The following BARD1 variants were observed in gnomAD, a reference collection of about 807,000 sequenced individuals.
BARD1 encodes BRCA1 associated RING domain 1.
Under a neutral mutation model 77.0 loss-of-function variants are expected in BARD1, and 73 were observed. That is an observed-to-expected ratio of 0.95 (90% CI 0.79 to 1.15). The LOEUF (loss-of-function observed/expected upper bound fraction) is 1.15. BARD1 is among the 50% of genes most tolerant of loss of function. The pLI is 0.00. For synonymous variants in BARD1, 384 were observed against 338.0 expected, an observed-to-expected ratio of 1.14 and a Z score of -1.49; for missense variants, 993 against 938.8, an observed-to-expected ratio of 1.06 and a Z score of -0.75.
Position 214,732,873 on chromosome 2 carries a change from C to G in BARD1, c.1904-2365G>C, listed in dbSNP as rs75425490. On this transcript the variant is annotated intron_variant, in intron 9 of 10. Transcript: ENST00000260947. Reference sequence around the variant, plus strand: ...CACAATAACAAAACTTCAACTGTTTCCAGGAGCCACATCTGCAGAATTTGG... The same window carrying G: ...CACAATAACAAAACTTCAACTGTTTGCAGGAGCCACATCTGCAGAATTTGG... Among the ~76,000 whole-genome samples the G allele has an allele frequency of 1.1e-4, 16 of 152,252 alleles. No individual in the cohort carries two copies. In the East Asian group the frequency reaches 2.7e-3, roughly 26 times the overall value.
Position 214,781,146 on chromosome 2 carries a change from C to A in BARD1, c.728G>T (p.Cys243Phe), listed in dbSNP as rs767432527. 4 of 1,575,118 alleles carry A rather than the reference C, an allele frequency of 2.5e-6. No homozygotes were observed. In the South Asian group the frequency reaches 3.6e-5, roughly 14 times the overall value. Residue 243 changes from cysteine to phenylalanine, a missense_variant, in exon 4 of 11, where the codon TGT (cysteine) becomes TTT (phenylalanine). Coordinates refer to ENST00000260947, the MANE Select transcript of BARD1 (RefSeq NM_000465.4). Reference protein sequence around the residue: ...EESKQKLVSFCSQPSVISSPQ... With the variant: ...EESKQKLVSFFSQPSVISSPQ... ...ACTGGAGATAACAGATGGTTGGCTA[C>A]AGAAGGATACCAGCTTTTGCTTAGA...
chr2:214,770,279 T>A (rs531061660), intron 4 of BARD1, among the ~76,000 whole-genome samples: 1 of 152,204 alleles, frequency 6.6e-6, no homozygotes, highest in Admixed American at 6.5e-5. Flanking sequence ...AATTCAACTA[T>A]ACGAAATAGA....
intron 10 of BARD1, among the ~76,000 whole-genome samples, chr2:214,729,416 G>A (rs1692251714): frequency 6.6e-6 from 1 of 152,194 alleles, no homozygotes; most frequent in African/African-American, 2.4e-5. Flanking sequence ...CATTTTAGAT[G>A]TTGGATTAGG....
intron 6 of BARD1, among the ~76,000 whole-genome samples, chr2:214,765,950 G>A (rs895460): frequency 1 from 152,341 of 152,354 alleles, 76,164 homozygotes; most frequent in Non-Finnish European, 1. Flanking sequence ...AAAAAATTAC[G>A]ACCTAGAAGC....
At position 214,780,566 on chromosome 2, in the gene BARD1, A is replaced by T. The variant is rs786203605; in HGVS notation, c.1308T>A (p.Ser436=). 7 of 1,613,474 alleles carry T rather than the reference A, an allele frequency of 4.3e-6. No homozygotes were observed. Among genetic ancestry groups the T allele is most frequent in the Non-Finnish European group, 5.9e-6 (7 of 1,179,488 alleles). The change falls in exon 4 of 11, where the codon TCT becomes TCA. Residue 436 remains serine, a synonymous_variant. Coordinates refer to ENST00000260947, the MANE Select transcript of BARD1 (RefSeq NM_000465.4). ...HRGETLLHIA[S]IKGDIPSVEY... is the part of the protein sequence containing the mutation. The stretch of plus-strand genomic sequence containing the variant: ...TTCAGAGTAAGCATCCTACCTTAAT[A>T]GAAGCAATATGGAGCAAAGTCTCTC...
chr2:214,801,746 C>T (rs1258454809), intron 1 of BARD1, among the ~76,000 whole-genome samples: 1 of 146,902 alleles, frequency 6.8e-6, no homozygotes, highest in South Asian at 2.2e-4. Context: ...TTACATAAAC[C>T]AAATTAATAT....
At chr2:214,749,258 T>C (rs567624652) in intron 7 of BARD1, among the ~76,000 whole-genome samples, 1 of 151,560 alleles carries the variant, frequency 6.6e-6, no homozygotes, top group South Asian at 2.1e-4. Flanking sequence ...CAAGACACAG[T>C]AAGGCAGCCC....
chr2:214,784,924 T>C (rs1695201910), intron 3 of BARD1, among the ~76,000 whole-genome samples: 1 of 151,844 alleles, frequency 6.6e-6, no homozygotes, highest in African/African-American at 2.4e-5. Context: ...ATACCTAATG[T>C]ACATGACAGG....
At chr2:214,778,288 G>C (rs575364378) in intron 4 of BARD1, among the ~76,000 whole-genome samples, 1 of 145,310 alleles carries the variant, frequency 6.9e-6, no homozygotes, top group Admixed American at 7.4e-5. Context: ...TTAAAATAAA[G>C]CTAAGGCGAG....
At chr2:214,731,070 G>C (rs1692333874) in intron 9 of BARD1, 1 of 296,004 alleles carries the variant, frequency 3.4e-6, no homozygotes, top group African/African-American at 2.2e-5. Flanking sequence ...GCTTGGGATA[G>C]GTTTGGCATG....
intron 1 of BARD1, among the ~76,000 whole-genome samples, chr2:214,807,230 C>CGG: frequency 6.6e-6 from 1 of 151,212 alleles, no homozygotes; most frequent in Middle Eastern, 3.4e-3. Context: ...AAAAAAAAAT[C>CGG]AATAGCATTC....
chr2:214,792,555 C>A (rs2106136277), intron 2 of BARD1, 110 bp from the exon 3 acceptor site: 1 of 1,051,584 alleles, frequency 9.5e-7, no homozygotes, highest in Non-Finnish European at 1.3e-6. Flanking sequence ...TTCTAACATA[C>A]AATGGTCAAT....
chr2:214,733,088 C>G (rs528899021), intron 9 of BARD1, among the ~76,000 whole-genome samples: 1 of 152,164 alleles, frequency 6.6e-6, no homozygotes, highest in Non-Finnish European at 1.5e-5. Context: ...AAGATCTGCA[C>G]AGTCAAGTGC....
At chr2:214,756,622 T>C (rs775752091) in intron 6 of BARD1, among the ~76,000 whole-genome samples, 1 of 152,178 alleles carries the variant, frequency 6.6e-6, no homozygotes, top group African/African-American at 2.4e-5. Context: ...CTGTGGTGTA[T>C]ATATACAATA....
At chr2:214,792,782 T>A (rs1178964784) in intron 2 of BARD1, among the ~76,000 whole-genome samples, 1 of 152,158 alleles carries the variant, frequency 6.6e-6, no homozygotes, top group Non-Finnish European at 1.5e-5. Context: ...ACTTTTTCTA[T>A]CTTAACATTG....
intron 3 of BARD1, among the ~76,000 whole-genome samples, chr2:214,787,324 G>A (rs2106124057): frequency 6.6e-6 from 1 of 151,876 alleles, no homozygotes; most frequent in East Asian, 1.9e-4. Flanking sequence ...CAATGTAATT[G>A]ATATGAACAC....
At chr2:214,792,763 T>C (rs1463545154) in intron 2 of BARD1, among the ~76,000 whole-genome samples, 1 of 152,172 alleles carries the variant, frequency 6.6e-6, no homozygotes, top group Non-Finnish European at 1.5e-5. Context: ...ATAGTAGTCG[T>C]GCATCCTAAC....
rs730881409 is a variant in BARD1 at position 214,728,706 on chromosome 2, C to G, written c.2304G>C (p.Met768Ile). The change falls in exon 11 of 11, where the codon ATG becomes ATC. Residue 768 changes from methionine to isoleucine, a missense_variant. Coordinates refer to ENST00000260947, the MANE Select transcript of BARD1 (RefSeq NM_000465.4). ...TGTCAAGAGGAAGCAACTCAAAGGA[C>G]ATCACACAGTCTATAAACCAGCTCG... ...APSSWFIDCV[M>I]SFELLPLDS is the part of the protein sequence containing the mutation. 1 of 1,614,066 alleles carries G rather than the reference C, an allele frequency of 6.2e-7. No individual in the cohort carries two copies. Among genetic ancestry groups the G allele is most frequent in the African/African-American group, 1.3e-5 (1 of 74,914 alleles).
intron 3 of BARD1, among the ~76,000 whole-genome samples, chr2:214,787,810 A>C (rs988048196): frequency 5.3e-5 from 8 of 152,018 alleles, no homozygotes; most frequent in Non-Finnish European, 8.8e-5. Context: ...AGCTATCATT[A>C]ATCTACATCA....
Sources: gnomAD v4.1 joint callset for allele counts (sites outside exome capture counted in the v4.1 genomes callset) on GRCh38, gnomAD v4.1.1 for gene constraint, MANE v1.5 for transcripts, NCBI Gene and HGNC (gene_info 2026-07-23, HGNC 2026-07-21) for gene names.